Variants in PTPRZ1 observed in about 807,000 individuals in gnomAD.
The protein encoded by PTPRZ1 is receptor-type tyrosine-protein phosphatase zeta.
A neutral mutation model predicts 214.1 loss-of-function variants in PTPRZ1; 82 were observed. The observed-to-expected ratio is 0.38, with a 90% CI of 0.32 to 0.46. The LOEUF (loss-of-function observed/expected upper bound fraction) is 0.46. Ranked by LOEUF, PTPRZ1 falls within the 20% of genes least tolerant of loss-of-function variation. PTPRZ1 has a pLI of 1.00. For synonymous variants in PTPRZ1, 945 were observed against 987.9 expected, an observed-to-expected ratio of 0.96 and a Z score of 0.81; for missense variants, 2,603 against 2,748.7, an observed-to-expected ratio of 0.95 and a Z score of 1.19.
At chr7:121,911,620 C>T (rs1268280423) in intron 1 of PTPRZ1, among the ~76,000 whole-genome samples, 1 of 151,992 alleles carries the variant, frequency 6.6e-6, no homozygotes, top group Non-Finnish European at 1.5e-5. Context: ...TTATCCTTTC[C>T]TTATCTTATC....
Position 122,061,191 on chromosome 7 carries a change from A to G in PTPRZ1, c.6919A>G (p.Ile2307Val). 1 of 1,607,498 alleles carries G rather than the reference A, an allele frequency of 6.2e-7. No homozygotes were observed. Among genetic ancestry groups the G allele is most frequent in the Non-Finnish European group, 8.5e-7 (1 of 1,176,024 alleles). The part of the protein sequence containing the change: ...SNGAALPDGN[I>V]AESLESLV ...TGGTGCAGCATTGCCTGATGGAAAT[A>G]TAGCTGAGAGCTTAGAGTCTTTAGT... Residue 2307 changes from isoleucine to valine, a missense_variant, in exon 30 of 30, where the codon ATA (isoleucine) becomes GTA (valine). Physicochemically the swap from Ile to Val is conservative, Grantham distance 29 (BLOSUM62 3). Coordinates refer to ENST00000393386, the MANE Select transcript of PTPRZ1 (RefSeq NM_002851.3).
chr7:122,004,055 T>C (rs1423443504), intron 10 of PTPRZ1, among the ~76,000 whole-genome samples: 1 of 152,164 alleles, frequency 6.6e-6, no homozygotes, highest in East Asian at 1.9e-4. Context: ...ACTCTTCATT[T>C]TACCTGGTGC....
intron 2 of PTPRZ1, among the ~76,000 whole-genome samples, chr7:121,935,203 A>G (rs1796040788): frequency 6.6e-6 from 1 of 152,232 alleles, no homozygotes; most frequent in African/African-American, 2.4e-5. Context: ...TAGCATCGCA[A>G]TTAGATAATC....
intron 1 of PTPRZ1, among the ~76,000 whole-genome samples, chr7:121,893,994 G>A (rs12530860): frequency 0.012 from 1,754 of 152,264 alleles, 14 homozygotes; most frequent in Non-Finnish European, 0.016. Flanking sequence ...TGTGCACAGG[G>A]CTAGTAAATG....
intron 12 of PTPRZ1, among the ~76,000 whole-genome samples, chr7:122,015,296 A>T (rs1798811573): frequency 6.6e-6 from 1 of 152,164 alleles, no homozygotes. Context: ...CACTCATTGT[A>T]TAAAAGTGAA....
chr7:122,025,562 C>A (rs1239403040), intron 13 of PTPRZ1, among the ~76,000 whole-genome samples: 1 of 152,042 alleles, frequency 6.6e-6, no homozygotes, highest in Admixed American at 6.6e-5. Flanking sequence ...AACTCCCGAC[C>A]TCTGGTGATC....
At chr7:122,059,180 G>A (rs1055476074) in intron 28 of PTPRZ1, among the ~76,000 whole-genome samples, 2 of 151,696 alleles carry the variant, frequency 1.3e-5, no homozygotes, top group Non-Finnish European at 2.9e-5. Context: ...TCTTGCATTT[G>A]ATGCTGAGAA....
intron 6 of PTPRZ1, 68 bp downstream of exon 6, chr7:121,976,919 G>T: frequency 1.5e-6 from 2 of 1,358,820 alleles, no homozygotes; most frequent in South Asian, 2.6e-5. Flanking sequence ...TTGACAATAC[G>T]ACAAAAGTCA....
chr7:122,042,779 G>A, intron 22 of PTPRZ1, 36 bp downstream of exon 22: 8 of 1,577,646 alleles, frequency 5.1e-6, no homozygotes, highest in Non-Finnish European at 6.1e-6. Flanking sequence ...ATTCATCTAA[G>A]GTATGGAAAT....
chr7:122,040,945 C>T lies in PTPRZ1; in HGVS notation c.5767C>T (p.Arg1923Cys), dbSNP rs142748552. The change falls in exon 21 of 30, where the codon CGC (arginine) becomes TGC (cysteine). Residue 1923 changes from arginine (R) to cysteine (C), a missense_variant. Arg to Cys is a radical substitution (Grantham distance 180). Coordinates refer to ENST00000393386, the MANE Select transcript of PTPRZ1 (RefSeq NM_002851.3). ...TGTGAGAAAGGCAGCCTATGCCAAG[C>T]GCCATGCAGTGGGGCCTGTTGTCGT... ...TFVRKAAYAKRHAVGPVVVHC... is the reference protein window; with the variant it reads ...TFVRKAAYAKCHAVGPVVVHC... 2.8e-4 allele frequency: 444 copies of T among 1,589,556 alleles called. No homozygotes were observed. The highest frequency in any genetic ancestry group is 3.4e-4 in the Non-Finnish European group (396 of 1,162,482).
At position 122,000,646 on chromosome 7, in the gene PTPRZ1, C is replaced by CATATATATATAT. The variant is rs60953788; in HGVS notation, c.1240+2685_1240+2696dup. 2.3e-4 allele frequency among the ~76,000 whole-genome samples: 12 copies of CATATATATATAT among 51,696 alleles called. 1 individual carries two copies. The highest frequency in any genetic ancestry group is 9.4e-4 in the South Asian group (1 of 1,066). The allele number at this position is 51,696 out of a possible 152,430, so 33.9% of individuals were successfully genotyped here. Reference sequence around the variant, plus strand: ...ATTGCTGTCATTCTTTGATAGATTTCATATATATATATATATATATATATA... The same window carrying CATATATATATAT: ...ATTGCTGTCATTCTTTGATAGATTTCATATATATATATATATATATATATATATATATATATA... On this transcript the variant is annotated intron_variant, in intron 10 of 29. Transcript: ENST00000393386.
intron 1 of PTPRZ1, among the ~76,000 whole-genome samples, chr7:121,878,964 GT>G (rs1234905645): frequency 1.3e-5 from 2 of 152,110 alleles, no homozygotes; most frequent in Non-Finnish European, 2.9e-5. Context: ...TATGATCTCA[GT>G]CCGGGAGTAA....
chr7:122,009,619 A>G (rs1045685649), intron 11 of PTPRZ1, among the ~76,000 whole-genome samples: 1 of 152,022 alleles, frequency 6.6e-6, no homozygotes, highest in African/African-American at 2.4e-5. Context: ...GGTCTTGGTT[A>G]ACTTCTAGCT....
At chr7:122,003,783 G>T (rs983027350) in intron 10 of PTPRZ1, among the ~76,000 whole-genome samples, 1 of 152,172 alleles carries the variant, frequency 6.6e-6, no homozygotes. Context: ...TTCTCTGGCC[G>T]CTCAGTAACG....
intron 2 of PTPRZ1, among the ~76,000 whole-genome samples, chr7:121,943,630 G>T (rs200653191): frequency 4.6e-5 from 7 of 152,090 alleles, no homozygotes; most frequent in African/African-American, 1.2e-4. Flanking sequence ...GAGCCACTGC[G>T]CCCGGCCAAT....
chr7:121,943,147 C>G (rs2024252), intron 2 of PTPRZ1, among the ~76,000 whole-genome samples: 93,926 of 151,958 alleles, frequency 0.62, 29,620 homozygotes, highest in African/African-American at 0.74. Context: ...ACTCCTATGA[C>G]TATCTTTACA....
intron 25 of PTPRZ1, 87 bp downstream of exon 25, chr7:122,052,026 G>T (rs573923616): frequency 3.6e-5 from 37 of 1,034,834 alleles, no homozygotes; most frequent in Non-Finnish European, 5.0e-5. Context: ...AAGACTACAG[G>T]CATGGGCAAA....
chr7:121,918,291 G>C (rs531995043), intron 1 of PTPRZ1, among the ~76,000 whole-genome samples: 3 of 152,276 alleles, frequency 2.0e-5, no homozygotes, highest in African/African-American at 7.2e-5. Flanking sequence ...AAAATGTGCT[G>C]TTTTAGAAAT....
rs745782585 is a variant in PTPRZ1 at position 122,051,456 on chromosome 7, G to C, written c.6113G>C (p.Ser2038Thr). The change falls in exon 24 of 30, where the codon AGT becomes ACT. Residue 2038 changes from serine to threonine, a missense_variant. Ser to Thr is a moderately conservative substitution (Grantham distance 58). Coordinates refer to ENST00000393386, the MANE Select transcript of PTPRZ1 (RefSeq NM_002851.3). ...CTGAGCCAGTCAAATATACAGCAGA[G>C]TGACTATTCTGCAGCCCTAAAGCAA... ...QLLSQSNIQQ[S>T]DYSAALKQCN... is the part of the protein sequence containing the mutation. The C allele has an allele frequency of 1.9e-6, 3 of 1,613,430 alleles. No individual in the cohort carries two copies. In the African/African-American group the frequency reaches 4.0e-5, roughly 22 times the overall value.
Sources: gnomAD v4.1 joint callset for allele counts (sites outside exome capture counted in the v4.1 genomes callset) on GRCh38, gnomAD v4.1.1 for gene constraint, MANE v1.5 for transcripts, NCBI Gene and HGNC (gene_info 2026-07-23, HGNC 2026-07-21) for gene names.